LSAMP: variants seen among roughly 807,000 people sequenced by gnomAD.
LSAMP encodes the protein limbic system-associated membrane protein.
A neutral mutation model predicts 38.6 loss-of-function variants in LSAMP; 7 were observed. The ratio of observed to expected loss-of-function variants is 0.18; its 90% CI spans 0.10 to 0.34. LSAMP has a LOEUF of 0.34. Ranked by LOEUF, LSAMP falls within the 10% of genes least tolerant of loss-of-function variation. LSAMP has a pLI of 1.00. For missense variants in LSAMP, 313 were observed against 420.0 expected, an observed-to-expected ratio of 0.75 and a Z score of 2.23; for synonymous variants, 154 against 166.8, an observed-to-expected ratio of 0.92 and a Z score of 0.59.
At chr3:115,976,725 G>C (rs968049589) in intron 3 of LSAMP, among the ~76,000 whole-genome samples, 1 of 152,094 alleles carries the variant, frequency 6.6e-6, no homozygotes. Context: ...CTGTTCTCAT[G>C]ATAGTGAGTG....
chr3:115,994,863 G>A (rs938907442), intron 3 of LSAMP, among the ~76,000 whole-genome samples: 3 of 152,046 alleles, frequency 2.0e-5, no homozygotes, highest in Admixed American at 6.6e-5. Flanking sequence ...ACAGGCATTT[G>A]CATGTGGAGA....
chr3:116,440,182 T>C (rs2049414517), intron 1 of LSAMP, among the ~76,000 whole-genome samples: 1 of 152,180 alleles, frequency 6.6e-6, no homozygotes, highest in African/African-American at 2.4e-5. Flanking sequence ...CCAGTGGCTA[T>C]AAGCTGTAAA....
chr3:116,259,833 TCTC>T (rs1002750530), intron 1 of LSAMP, among the ~76,000 whole-genome samples: 12 of 152,222 alleles, frequency 7.9e-5, no homozygotes, highest in African/African-American at 2.9e-4. Context: ...GCTTGGGTCT[TCTC>T]CTTCTTAGCT....
chr3:116,212,804 CT>C (rs2107608167), intron 1 of LSAMP, among the ~76,000 whole-genome samples: 1 of 152,264 alleles, frequency 6.6e-6, no homozygotes, highest in Non-Finnish European at 1.5e-5. Flanking sequence ...GGGTTACACT[CT>C]CACCCAACTA....
chr3:116,276,803 A>G (rs1450575377), intron 1 of LSAMP, among the ~76,000 whole-genome samples: 1 of 152,216 alleles, frequency 6.6e-6, no homozygotes, highest in Non-Finnish European at 1.5e-5. Flanking sequence ...CTGGCCCAGT[A>G]GGACAATTCT....
At chr3:116,036,121 A>G (rs1319363013) in intron 2 of LSAMP, among the ~76,000 whole-genome samples, 1 of 152,196 alleles carries the variant, frequency 6.6e-6, no homozygotes, top group African/African-American at 2.4e-5. Flanking sequence ...AGCCACTAAC[A>G]TTAATGACCA....
rs182329659 is a variant in LSAMP, at chr3:116,154,028, C to T, written c.156-67472G>A. 2.0e-3 allele frequency among the ~76,000 whole-genome samples: 300 copies of T among 152,204 alleles called. 4 individuals carry two copies. The highest frequency in any genetic ancestry group is 1.8e-3 in the Non-Finnish European group (121 of 68,006). ...ATATAGAATAATTTGTAACAATAGT[C>T]TATGACATAAGCAACATGAGAGTTA... On this transcript the variant is annotated intron_variant, in intron 1 of 6. Transcript: ENST00000490035.
intron 1 of LSAMP, among the ~76,000 whole-genome samples, chr3:116,108,535 C>T (rs1319967745): frequency 2.0e-5 from 3 of 152,146 alleles, no homozygotes; most frequent in African/African-American, 7.2e-5. Context: ...AGCTCGGCGT[C>T]CGTGATGGTC....
At chr3:115,818,590 CAG>C (rs1934106801) in intron 6 of LSAMP, among the ~76,000 whole-genome samples, 1 of 151,336 alleles carries the variant, frequency 6.6e-6, no homozygotes, top group Non-Finnish European at 1.5e-5. Flanking sequence ...ACAATGGTGC[CAG>C]ACACATAATA....
chr3:116,117,128 A>G (rs1708770796), intron 1 of LSAMP, among the ~76,000 whole-genome samples: 1 of 152,252 alleles, frequency 6.6e-6, no homozygotes, highest in African/African-American at 2.4e-5. Flanking sequence ...TATATGGACT[A>G]TCACAGAAAA....
In LSAMP at chr3:116,078,984, G is replaced by A. The variant is rs1330739555; in HGVS notation, c.388+7340C>T. Among the ~76,000 whole-genome samples the A allele has an allele frequency of 3.9e-5, 6 of 152,058 alleles. No individual in the cohort carries two copies. The East Asian group carries it at 5.8e-4, about 15-fold the overall frequency. ...TGCTCCAGGGCCTCTTAGTGGGGAA[G>A]GGCAGGGTTAGGAAATATATGTACA... On this transcript the variant is annotated intron_variant, in intron 2 of 6. Transcript: ENST00000490035.
At chr3:116,386,487 A>G (rs1174003927) in intron 1 of LSAMP, among the ~76,000 whole-genome samples, 2 of 151,870 alleles carry the variant, frequency 1.3e-5, no homozygotes, top group Admixed American at 1.3e-4. Context: ...CTCTTTCTCT[A>G]AGAGAGATGG....
intron 3 of LSAMP, among the ~76,000 whole-genome samples, chr3:115,875,189 A>G (rs1936150190): frequency 1.3e-5 from 2 of 152,100 alleles, no homozygotes; most frequent in African/African-American, 4.8e-5. Flanking sequence ...CTCAGAAGAG[A>G]TGTTATCTTT....
At chr3:116,213,617 G>A (rs964360491) in intron 1 of LSAMP, among the ~76,000 whole-genome samples, 1 of 152,180 alleles carries the variant, frequency 6.6e-6, no homozygotes, top group African/African-American at 2.4e-5. Context: ...TAGCCAACAT[G>A]TGGAAACAAA....
intron 1 of LSAMP, among the ~76,000 whole-genome samples, chr3:116,137,375 A>G (rs889383474): frequency 3.9e-5 from 6 of 152,092 alleles, no homozygotes; most frequent in Non-Finnish European, 8.8e-5. Context: ...CAAACTTCCA[A>G]TGTAATTAAC....
At chr3:116,235,627 C>G (rs6438308) in intron 1 of LSAMP, among the ~76,000 whole-genome samples, 108,517 of 152,092 alleles carry the variant, frequency 0.71, 40,424 homozygotes, top group South Asian at 0.84. Context: ...CCAATAAATA[C>G]CATTGTCATT....
chr3:116,247,688 T>C (rs1425022548), intron 1 of LSAMP, among the ~76,000 whole-genome samples: 1 of 152,172 alleles, frequency 6.6e-6, no homozygotes, highest in South Asian at 2.1e-4. Context: ...AATACCAAAC[T>C]GAATTTTGGC....
At chr3:116,104,254 C>T (rs927294560) in intron 1 of LSAMP, among the ~76,000 whole-genome samples, 3 of 152,160 alleles carry the variant, frequency 2.0e-5, no homozygotes, top group South Asian at 2.1e-4. Flanking sequence ...GAACATAAAG[C>T]AAGATCAAAA....
In LSAMP at chr3:116,052,572, C is replaced by A. The variant is rs60513807; in HGVS notation, c.389-32932G>T. Among the ~76,000 whole-genome samples, 188 of 152,172 alleles carry A rather than the reference C, an allele frequency of 1.2e-3. 1 individual carries two copies. The East Asian group carries it at 0.032, about 26-fold the overall frequency. On this transcript the variant is annotated intron_variant, in intron 2 of 6. Coordinates refer to ENST00000490035, the MANE Select transcript of LSAMP (RefSeq NM_002338.5). Reference sequence around the variant, plus strand: ...AGGTCTCTGGTAGGTAAGCACCGTCCCCGTGAGGCTAAGAAGTTCAAATTT... The same window carrying A: ...AGGTCTCTGGTAGGTAAGCACCGTCACCGTGAGGCTAAGAAGTTCAAATTT...
Sources: allele counts gnomAD v4.1 joint callset (sites outside exome capture counted in the v4.1 genomes callset), GRCh38; gene constraint gnomAD v4.1.1; transcripts MANE v1.5; gene names NCBI Gene and HGNC (gene_info 2026-07-23, HGNC 2026-07-21).